Variants in ZNF786 observed in about 807,000 individuals in gnomAD.
ZNF786 encodes zinc finger protein 786.
Under a neutral mutation model 63.1 loss-of-function variants are expected in ZNF786, and 56 were observed. The ratio of observed to expected loss-of-function variants is 0.89; its 90% confidence interval spans 0.72 to 1.11. The LOEUF is 1.11. Among genes scored for constraint, ZNF786 ranks in the 50% least tolerant of loss-of-function variants. ZNF786 has a pLI of 0.00. For synonymous variants in ZNF786, 485 were observed against 406.9 expected, an observed-to-expected ratio of 1.19 and a Z score of -2.31; for missense variants, 1,213 against 1,041.8, an observed-to-expected ratio of 1.16 and a Z score of -2.26.
intron 1 of ZNF786, among the ~76,000 whole-genome samples, chr7:149,087,993 C>CTTT (rs11304737): frequency 3.2e-5 from 4 of 126,268 alleles, no homozygotes; most frequent in African/African-American, 5.8e-5. Context: ...GTTGCCCAGG[C>CTTT]TTTTTTTTTT....
In ZNF786 at chr7:149,071,656, C is replaced by T. The variant is rs1318632680; in HGVS notation, c.1116G>A (p.Ser372=). 19 of 1,569,286 alleles carry T rather than the reference C, an allele frequency of 1.2e-5. No individual in the cohort carries two copies. Among genetic ancestry groups the T allele is most frequent in the Non-Finnish European group, 1.5e-5 (17 of 1,162,802 alleles). ...QHGAEGPCSC[S]ECGERSPMSA... is the part of the protein sequence containing the mutation. ...TCATAGGGGAGCGCTCGCCACACTC[C>T]GAGCAGGAGCAGGGCCCCTCTGCGC... Residue 372 remains serine, a synonymous_variant, in exon 4 of 4, where the codon TCG becomes TCA. Coordinates refer to ENST00000491431, the MANE Select transcript of ZNF786 (RefSeq NM_152411.4).
Position 149,090,665 on chromosome 7 carries a change from T to C in ZNF786, c.-25A>G. The C allele has an allele frequency of 1.9e-6, 3 of 1,579,088 alleles. No individual in the cohort carries two copies. Among genetic ancestry groups the C allele is most frequent in the Middle Eastern group, 1.7e-4 (1 of 5,944 alleles). ...TGGTCCCCGCGGTCCCGCCCGGCCC[T>C]GGCAAACCCGACCGTCTCCGGCGGC... On this transcript the variant is annotated 5_prime_UTR_variant, in exon 1 of 4. Transcript: ENST00000491431.
chr7:149,081,096 T>A, intron 1 of ZNF786: 1 of 458,196 alleles, frequency 2.2e-6, no homozygotes, highest in Non-Finnish European at 4.4e-6. Flanking sequence ...ATTCCATGAG[T>A]AGAAGATATA....
intron 2 of ZNF786, among the ~76,000 whole-genome samples, chr7:149,077,659 T>C (rs1302269022): frequency 1.3e-5 from 2 of 151,380 alleles, no homozygotes; most frequent in Non-Finnish European, 2.9e-5. Context: ...TAAAAGAAGA[T>C]GGGTGTTCTC....
rs917072056 is a variant in ZNF786 at position 149,070,591 on chromosome 7, C to T, written c.2181G>A (p.Arg727=). ...GHMLRHQRIH[R]PERPFACGDC... ...CGCCACAGGCAAAGGGCCTCTCGGG[C>T]CTGTGGATGCGCTGGTGCCTCAGCA... The change falls in exon 4 of 4, where the codon AGG becomes AGA. Residue 727 remains arginine (R), a synonymous_variant. Transcript: ENST00000491431. The T allele has an allele frequency of 6.2e-7, 1 of 1,614,006 alleles. No individual in the cohort carries two copies. The highest frequency in any genetic ancestry group is 2.2e-5 in the East Asian group (1 of 44,886).
In ZNF786 at chr7:149,072,291, G is replaced by T. The variant is rs759930349; in HGVS notation, c.481C>A (p.Leu161Ile). Residue 161 changes from leucine to isoleucine, a missense_variant, in exon 4 of 4, where the codon CTA becomes ATA. Coordinates refer to ENST00000491431, the MANE Select transcript of ZNF786 (RefSeq NM_152411.4). ...CTGGGACCTGGGATTCCTTCTTTTAGGGTAGATTCACTGGGGCCGCAGGCT... is the reference window on the plus strand; with the variant it reads ...CTGGGACCTGGGATTCCTTCTTTTATGGTAGATTCACTGGGGCCGCAGGCT... ...PLACGPSEST[L>I]KEGIPGPRNL... The T allele has an allele frequency of 1.1e-5, 17 of 1,613,614 alleles. No homozygotes were observed. Among genetic ancestry groups the T allele is most frequent in the Middle Eastern group, 1.6e-4 (1 of 6,084 alleles).
chr7:149,089,154 G>C (rs1178931956), intron 1 of ZNF786, among the ~76,000 whole-genome samples: 1 of 151,958 alleles, frequency 6.6e-6, no homozygotes, highest in Non-Finnish European at 1.5e-5. Context: ...GGGTTTCACC[G>C]TGTTAGCTAG....
intron 1 of ZNF786, among the ~76,000 whole-genome samples, chr7:149,082,890 CTTTTATT>C (rs1198539720): frequency 6.7e-6 from 1 of 149,782 alleles, no homozygotes; most frequent in African/African-American, 2.5e-5. Flanking sequence ...GCCTCTTCAT[CTTTTATT>C]TTTATTTATT....
In ZNF786 at chr7:149,071,782, G is replaced by A. The variant is rs755840316; in HGVS notation, c.990C>T (p.Arg330=). ...CCGAGTGCACACTGCTGGAGGCCCC[G>A]CGGCCTTCTCTCCAAGAGGCCGGCC... The part of the protein sequence containing the change: ...REGPASWREG[R]GASSSVHSGQ... Residue 330 remains arginine (R), a synonymous_variant, in exon 4 of 4, where the codon CGC becomes CGT. Coordinates refer to ENST00000491431, the MANE Select transcript of ZNF786 (RefSeq NM_152411.4). 2 of 1,580,908 alleles carry A rather than the reference G, an allele frequency of 1.3e-6. No individual in the cohort carries two copies. The highest frequency in any genetic ancestry group is 1.3e-5 in the African/African-American group (1 of 74,534).
intron 1 of ZNF786, among the ~76,000 whole-genome samples, chr7:149,088,458 A>G (rs1206973874): frequency 6.6e-6 from 1 of 152,188 alleles, no homozygotes; most frequent in African/African-American, 2.4e-5. Context: ...TGTGGTTTTT[A>G]TTGCACAATT....
chr7:149,070,670 T>C lies in ZNF786; in HGVS notation c.2102A>G (p.Glu701Gly). The change falls in exon 4 of 4, where the codon GAG (glutamate) becomes GGG (glycine). Residue 701 changes from glutamate to glycine, a missense_variant. Coordinates refer to ENST00000491431, the MANE Select transcript of ZNF786 (RefSeq NM_152411.4). ...ACACTCAGGGCAGTGAAAAGGCCTC[T>C]CCCCTGTGTGCAGGCCCTGATGGCT... is the stretch of plus-strand genomic sequence containing the variant. The part of the protein sequence containing the change: ...LLSHQGLHTG[E>G]RPFHCPECDK... 1.9e-6 allele frequency: 3 copies of C among 1,613,966 alleles called. No homozygotes were observed. The highest frequency in any genetic ancestry group is 2.5e-6 in the Non-Finnish European group (3 of 1,179,902).
intron 3 of ZNF786, 74 bp downstream of exon 3, chr7:149,074,312 T>A: frequency 6.4e-7 from 1 of 1,557,788 alleles, no homozygotes; most frequent in Admixed American, 1.8e-5. Context: ...CCAAACAGGA[T>A]GACAAGATCA....
At chr7:149,080,029 G>A (rs1177953907) in intron 2 of ZNF786, among the ~76,000 whole-genome samples, 4 of 151,666 alleles carry the variant, frequency 2.6e-5, no homozygotes, top group African/African-American at 7.3e-5. Context: ...AAAATTAGCC[G>A]GGCATGGCAG....
At chr7:149,078,716 C>T (rs932537934) in intron 2 of ZNF786, among the ~76,000 whole-genome samples, 4 of 151,502 alleles carry the variant, frequency 2.6e-5, no homozygotes, top group African/African-American at 9.7e-5. Context: ...GGTAACAGAA[C>T]AGAATATAAA....
rs201050335 is a variant in ZNF786 at position 149,070,788 on chromosome 7, T to C, written c.1984A>G (p.Lys662Glu). The change falls in exon 4 of 4, where the codon AAG becomes GAG. Residue 662 changes from lysine to glutamate, a missense_variant. By Grantham distance (56) the Lys-to-Glu change is moderately conservative. Transcript: ENST00000491431. ...ECGKGFVKHSKLIEHIRTHTG... is the reference protein window; with the variant it reads ...ECGKGFVKHSELIEHIRTHTG... The stretch of plus-strand genomic sequence containing the variant: ...TGCGTTCTGATGTGCTCGATGAGCT[T>C]TGAGTGTTTCACAAAGCCCTTGCCG... The C allele has an allele frequency of 4.0e-5, 65 of 1,613,638 alleles. No homozygotes were observed. The highest frequency in any genetic ancestry group is 5.3e-5 in the Non-Finnish European group (62 of 1,179,904).
rs749179464 is a variant in ZNF786 at position 149,071,731 on chromosome 7, G to C, written c.1041C>G (p.Pro347=). ...CTTCCTGGTGGCTGTTCCCCTCCTGGGGCAGGCGCGAGCCTGGTTTCTGTC... is the reference window on the plus strand; with the variant it reads ...CTTCCTGGTGGCTGTTCCCCTCCTGCGGCAGGCGCGAGCCTGGTTTCTGTC... ...HSGQKPGSRL[P]QEGNSHQEGD... Residue 347 remains proline (P), a synonymous_variant, in exon 4 of 4, where the codon CCC becomes CCG. Transcript: ENST00000491431. 1.3e-6 allele frequency: 2 copies of C among 1,585,502 alleles called. No homozygotes were observed. Among genetic ancestry groups the C allele is most frequent in the South Asian group, 1.1e-5 (1 of 89,192 alleles).
At chr7:149,086,802 C>T (rs968176540) in intron 1 of ZNF786, among the ~76,000 whole-genome samples, 6 of 151,862 alleles carry the variant, frequency 4.0e-5, no homozygotes, top group Non-Finnish European at 8.8e-5. Flanking sequence ...CCCCCATGAC[C>T]TAAACACCTC....
At chr7:149,082,137 G>A (rs958807408) in intron 1 of ZNF786, among the ~76,000 whole-genome samples, 3 of 152,086 alleles carry the variant, frequency 2.0e-5, no homozygotes, top group Non-Finnish European at 2.9e-5. Flanking sequence ...TCATGGGGGC[G>A]GACTTCCTCC....
intron 1 of ZNF786, among the ~76,000 whole-genome samples, chr7:149,086,842 T>TC (rs1254339385): frequency 2.9e-5 from 3 of 102,490 alleles, no homozygotes. Context: ...ACAGCGCAGA[T>TC]CCTTTTTTTT....
Sources: allele counts gnomAD v4.1 joint callset (sites outside exome capture counted in the v4.1 genomes callset), GRCh38; gene constraint gnomAD v4.1.1; transcripts MANE v1.5; gene names NCBI Gene and HGNC (gene_info 2026-07-23, HGNC 2026-07-21).